The following CHL1 variants were observed in gnomAD, a reference collection of about 807,000 sequenced individuals.
CHL1 encodes the protein cell adhesion molecule L1 like.
A neutral mutation model predicts 141.9 loss-of-function variants in CHL1; 96 were observed. The observed-to-expected ratio is 0.68, with a 90% CI of 0.57 to 0.80. The LOEUF (loss-of-function observed/expected upper bound fraction) is 0.80. Among genes scored for constraint, CHL1 ranks in the 30% least tolerant of loss-of-function variants. CHL1 has a pLI of 0.00. For missense variants in CHL1, 1,820 were observed against 1,457.2 expected, an observed-to-expected ratio of 1.25 and a Z score of -4.05; for synonymous variants, 613 against 502.2, an observed-to-expected ratio of 1.22 and a Z score of -2.95.
chr3:278,411 C>T (rs1696345069), intron 2 of CHL1, among the ~76,000 whole-genome samples: 1 of 152,150 alleles, frequency 6.6e-6, no homozygotes, highest in African/African-American at 2.4e-5. Flanking sequence ...ACCATGATGC[C>T]ATGAGTTAAT....
At position 389,390 on chromosome 3, in the gene CHL1, C is replaced by T; in HGVS notation, c.2386C>T (p.Pro796Ser). 2 of 1,614,156 alleles carry T rather than the reference C, an allele frequency of 1.2e-6. No individual in the cohort carries two copies. Among genetic ancestry groups the T allele is most frequent in the Non-Finnish European group, 1.7e-6 (2 of 1,180,022 alleles). The change falls in exon 20 of 28, where the codon CCT (proline) becomes TCT (serine). Residue 796 changes from proline (P) to serine (S), a missense_variant. Physicochemically the swap from Pro to Ser is moderately conservative, Grantham distance 74. Coordinates refer to ENST00000256509, the MANE Select transcript of CHL1 (RefSeq NM_006614.4). ...LRVMTPAVYA[P>S]YDVKVQAINQ... ...GGTGATGACGCCTGCTGTCTATGCC[C>T]CTTATGATGTCAAGGTCCAGGCTAT...
intron 7 of CHL1, 125 bp downstream of exon 7, chr3:342,207 A>G: frequency 1.4e-6 from 1 of 731,356 alleles, no homozygotes; most frequent in Non-Finnish European, 2.1e-6. Context: ...TCAACTCTGG[A>G]GACTTCTTCC....
intron 2 of CHL1, among the ~76,000 whole-genome samples, chr3:295,786 T>A (rs1363264691): frequency 3.9e-5 from 6 of 152,224 alleles, no homozygotes; most frequent in African/African-American, 1.4e-4. Context: ...GTACTTCCGT[T>A]ACTATTAACT....
At chr3:230,061 A>C (rs1029723128) in intron 1 of CHL1, among the ~76,000 whole-genome samples, 3 of 152,208 alleles carry the variant, frequency 2.0e-5, no homozygotes, top group Admixed American at 6.5e-5. Flanking sequence ...TGGGTACTTA[A>C]AATGTGTCCT....
rs17037567 is a variant in CHL1, at chr3:395,384, A to G, written c.3094+512A>G. 9.8e-3 allele frequency among the ~76,000 whole-genome samples: 1,498 copies of G among 152,298 alleles called. 26 individuals carry two copies. The highest frequency in any genetic ancestry group is 0.034 in the African/African-American group (1,412 of 41,554). On this transcript the variant is annotated intron_variant, in intron 24 of 27. Transcript: ENST00000256509. ...TGTCTGGGAAATGGCTTATAAATGT[A>G]TGGTTTCACTTGTAACACAATTATC...
chr3:381,512 C>T (rs1416544771), intron 16 of CHL1, among the ~76,000 whole-genome samples: 1 of 152,136 alleles, frequency 6.6e-6, no homozygotes, highest in African/African-American at 2.4e-5. Context: ...AGAGCAAATG[C>T]TATAGGCAAA....
intron 2 of CHL1, among the ~76,000 whole-genome samples, chr3:276,716 C>G (rs898218005): frequency 5.9e-5 from 9 of 151,654 alleles, no homozygotes; most frequent in Admixed American, 3.9e-4. Flanking sequence ...GGTGAAATCC[C>G]TTCTCTACTA....
rs186780125 is a variant in CHL1, at chr3:223,272, A to G, written c.-174-21341A>G. On this transcript the variant is annotated intron_variant, in intron 1 of 27. Transcript: ENST00000256509. ...CACTATCCCTATCTGATATAAAACA[A>G]TGATACTTAAGTGAAGTGTTATAGG... 1.2e-4 allele frequency among the ~76,000 whole-genome samples: 19 copies of G among 152,338 alleles called. No individual in the cohort carries two copies. The East Asian group carries it at 1.3e-3, about 11-fold the overall frequency.
At chr3:308,854 A>C (rs1699489126) in intron 2 of CHL1, 1 of 164,252 alleles carries the variant, frequency 6.1e-6, no homozygotes, top group Admixed American at 6.5e-5. Flanking sequence ...CTGCTCCTCC[A>C]GAAGACTGCT....
chr3:329,210 T>A (rs902240270), intron 5 of CHL1, among the ~76,000 whole-genome samples: 6 of 152,110 alleles, frequency 3.9e-5, no homozygotes, highest in Non-Finnish European at 8.8e-5. Flanking sequence ...AAAGCCTTTA[T>A]AGAGTAAATT....
chr3:337,363 TTA>T (rs202140891), intron 5 of CHL1, among the ~76,000 whole-genome samples: 7 of 100,550 alleles, frequency 7.0e-5, no homozygotes, highest in African/African-American at 1.1e-4. Context: ...GCTAATTTTT[TTA>T]TATATATTTT....
intron 16 of CHL1, among the ~76,000 whole-genome samples, chr3:381,616 G>C (rs1360040705): frequency 6.6e-6 from 1 of 152,226 alleles, no homozygotes; most frequent in Non-Finnish European, 1.5e-5. Context: ...ACAGGTCATA[G>C]GTGGATTCAA....
At chr3:366,299 C>T (rs1054656131) in intron 15 of CHL1, among the ~76,000 whole-genome samples, 184 bp downstream of exon 15, 8 of 151,954 alleles carry the variant, frequency 5.3e-5, no homozygotes, top group African/African-American at 4.8e-5. Context: ...GGTGAAACCC[C>T]GTCTCCACTA....
chr3:269,411 G>T (rs941744106), intron 2 of CHL1, among the ~76,000 whole-genome samples: 1 of 152,150 alleles, frequency 6.6e-6, no homozygotes, highest in South Asian at 2.1e-4. Flanking sequence ...CCAATGTTGG[G>T]CAGATAGGAG....
chr3:257,235 A>T (rs946407844), intron 2 of CHL1, among the ~76,000 whole-genome samples: 66 of 152,290 alleles, frequency 4.3e-4, no homozygotes, highest in African/African-American at 1.5e-3. Flanking sequence ...TTTAAAAAAA[A>T]TTTAGTTCTC....
rs567740155 is a variant in CHL1 at position 242,334 on chromosome 3, C to T, written c.-174-2279C>T. Among the ~76,000 whole-genome samples the T allele has an allele frequency of 7.9e-4, 119 of 150,110 alleles. 1 individual carries two copies. Among genetic ancestry groups the T allele is most frequent in the African/African-American group, 1.9e-3 (79 of 41,004 alleles). ...GAGACTGGCTGAGCGCGGTGGCTCA[C>T]GCCTGTAATCCCAGCACTTTGGGAG... is the stretch of plus-strand genomic sequence containing the variant. On this transcript the variant is annotated intron_variant, in intron 1 of 27. Coordinates refer to ENST00000256509, the MANE Select transcript of CHL1 (RefSeq NM_006614.4).
chr3:343,721 G>T (rs1252972185), intron 8 of CHL1, among the ~76,000 whole-genome samples: 2 of 152,174 alleles, frequency 1.3e-5, no homozygotes, highest in African/African-American at 2.4e-5. Context: ...TGCAAGTTCA[G>T]TGGAGGAGGA....
intron 2 of CHL1, among the ~76,000 whole-genome samples, chr3:306,853 C>G (rs1199455813): frequency 6.6e-6 from 1 of 152,140 alleles, no homozygotes; most frequent in Non-Finnish European, 1.5e-5. Flanking sequence ...TGTTCACTAG[C>G]AGTTGATAAT....
intron 2 of CHL1, among the ~76,000 whole-genome samples, chr3:284,760 C>T (rs1357149101): frequency 3.2e-5 from 4 of 126,656 alleles, no homozygotes; most frequent in South Asian, 2.8e-4. Flanking sequence ...CAGGTAAATG[C>T]GTATTCATCT....
Sources: allele counts gnomAD v4.1 joint callset (sites outside exome capture counted in the v4.1 genomes callset), GRCh38; gene constraint gnomAD v4.1.1; transcripts MANE v1.5; gene names NCBI Gene and HGNC (gene_info 2026-07-23, HGNC 2026-07-21).